The following CYP20A1 variants were observed in gnomAD, a reference collection of about 807,000 sequenced individuals.
The protein encoded by CYP20A1 is cytochrome P450 family 20 subfamily A member 1.
CYP20A1 carries 61 observed loss-of-function variants against 61.4 expected under a neutral mutation model. The observed-to-expected ratio is 0.99, with a 90% CI of 0.81 to 1.23. The LOEUF is 1.23. CYP20A1 is among the 50% of genes most tolerant of loss of function. CYP20A1 has a pLI of 0.00. For missense variants in CYP20A1, 530 were observed against 542.4 expected (o/e 0.98, Z 0.23); for synonymous variants, 193 against 188.2 (o/e 1.03, Z -0.21).
chr2:203,269,492 T>C (rs1050851608), intron 5 of CYP20A1, among the ~76,000 whole-genome samples: 3 of 135,322 alleles, frequency 2.2e-5, no homozygotes, highest in Non-Finnish European at 4.7e-5. Flanking sequence ...TTGAAATATA[T>C]AGTTCTTTTT....
chr2:203,253,347 TGG>T (rs1165078140), intron 4 of CYP20A1, among the ~76,000 whole-genome samples: 1 of 152,158 alleles, frequency 6.6e-6, no homozygotes, highest in African/African-American at 2.4e-5. Flanking sequence ...CGGCAGTGCC[TGG>T]GGTGACAGGT....
At chr2:203,258,835 T>G (rs1348913179) in intron 4 of CYP20A1, among the ~76,000 whole-genome samples, 1 of 152,218 alleles carries the variant, frequency 6.6e-6, no homozygotes, top group Non-Finnish European at 1.5e-5. Context: ...GAGGCAGTTA[T>G]GTTGCCTCTA....
Position 203,304,413 on chromosome 2 carries a change from G to A in CYP20A1, c.*7505G>A, listed in dbSNP as rs970211285. Among the ~76,000 whole-genome samples, 12 of 152,106 alleles carry A rather than the reference G, an allele frequency of 7.9e-5. No homozygotes were observed. Among genetic ancestry groups the A allele is most frequent in the African/African-American group, 2.4e-4 (10 of 41,436 alleles). On this transcript the variant is annotated 3_prime_UTR_variant, in exon 13 of 13. Transcript: ENST00000356079. Reference sequence around the variant, plus strand: ...GGGGTTTCACCATGTTAGCCAGGATGGTCTTGATCTCCTGACCTTGTGATC... The same window carrying A: ...GGGGTTTCACCATGTTAGCCAGGATAGTCTTGATCTCCTGACCTTGTGATC...
intron 4 of CYP20A1, among the ~76,000 whole-genome samples, chr2:203,260,976 T>TTC (rs2067112670): frequency 6.6e-6 from 1 of 152,234 alleles, no homozygotes; most frequent in African/African-American, 2.4e-5. Flanking sequence ...TATTCTTTTT[T>TTC]TCTCTTTTTT....
rs1327474376 is a variant in CYP20A1, at chr2:203,285,816, G to A, written c.971+84G>A. On this transcript the variant is annotated intron_variant, in intron 9 of 12. Transcript: ENST00000356079. ...ATTTAAAGCTATTGTTGCTATCTAG[G>A]AAAGCTACATATTTTTATAGGACTT... The A allele has an allele frequency of 4.8e-6, 6 of 1,246,862 alleles. No homozygotes were observed. The African/African-American group carries it at 7.7e-5, about 16-fold the overall frequency. 77.2% of individuals were successfully genotyped at this position (1,246,862 alleles called of 1,614,324 possible). A position where few individuals can be genotyped will look rare whatever the true frequency, so the allele number is the denominator to read the frequency against.
intron 12 of CYP20A1, 68 bp downstream of exon 12, chr2:203,296,631 C>A: frequency 7.1e-7 from 1 of 1,413,780 alleles, no homozygotes; most frequent in South Asian, 1.3e-5. Context: ...AATGGGCAAT[C>A]TGTATGATTA....
At chr2:203,296,219 G>A (rs997099508) in intron 11 of CYP20A1, among the ~76,000 whole-genome samples, 5 of 152,020 alleles carry the variant, frequency 3.3e-5, no homozygotes, top group African/African-American at 1.2e-4. Context: ...AGCCTTGATT[G>A]CACCATTGCC....
At chr2:203,280,495 G>T (rs761641130) in intron 8 of CYP20A1, among the ~76,000 whole-genome samples, 2 of 152,172 alleles carry the variant, frequency 1.3e-5, no homozygotes, top group African/African-American at 4.8e-5. Flanking sequence ...TTGAGCCCAG[G>T]AGTTCGAGAC....
In CYP20A1 at chr2:203,268,703, A is replaced by G. The variant is rs544225385; in HGVS notation, c.600+2022A>G. ...GTATAAATTTATGGGTTATATGTAT[A>G]ATTTTATTACATGCATAGATTGTGT... On this transcript the variant is annotated intron_variant, in intron 5 of 12. Coordinates refer to ENST00000356079, the MANE Select transcript of CYP20A1 (RefSeq NM_177538.3). Among the ~76,000 whole-genome samples, 9 of 151,890 alleles carry G rather than the reference A, an allele frequency of 5.9e-5. No individual in the cohort carries two copies. In the East Asian group the frequency reaches 1.5e-3, roughly 26 times the overall value.
chr2:203,257,975 C>A (rs1377582605), intron 4 of CYP20A1, among the ~76,000 whole-genome samples: 4 of 152,176 alleles, frequency 2.6e-5, no homozygotes, highest in African/African-American at 4.8e-5. Context: ...AATTATAGCT[C>A]ACTGGAGCAT....
intron 8 of CYP20A1, among the ~76,000 whole-genome samples, chr2:203,281,555 C>G (rs2068041270): frequency 2.6e-5 from 4 of 151,940 alleles, no homozygotes; most frequent in African/African-American, 9.7e-5. Flanking sequence ...GTAATCCCAG[C>G]ACTATGGGAG....
chr2:203,287,059 A>T (rs1444043881), intron 9 of CYP20A1, among the ~76,000 whole-genome samples: 2 of 151,266 alleles, frequency 1.3e-5, no homozygotes, highest in South Asian at 4.2e-4. Flanking sequence ...CTAAAAAAAA[A>T]ATACAAAAAA....
chr2:203,239,163 C>A, intron 1 of CYP20A1, 29 bp downstream of exon 1: 1 of 1,584,880 alleles, frequency 6.3e-7, no homozygotes, highest in Non-Finnish European at 8.7e-7. Context: ...CTCTGGGGCC[C>A]CGGGCGCCGC....
At chr2:203,264,200 T>G (rs1289943859) in intron 4 of CYP20A1, among the ~76,000 whole-genome samples, 1 of 152,026 alleles carries the variant, frequency 6.6e-6, no homozygotes, top group Non-Finnish European at 1.5e-5. Flanking sequence ...TTGCCCAGGT[T>G]TGTCTCAAAC....
rs997624207 is a variant in CYP20A1, at chr2:203,301,342, C to T, written c.*4434C>T. On this transcript the variant is annotated 3_prime_UTR_variant, in exon 13 of 13. Coordinates refer to ENST00000356079, the MANE Select transcript of CYP20A1 (RefSeq NM_177538.3). ...CATGATCACAGCTTACTGTAGCCTC[C>T]ACCTCCTGGGCTCCAGCGATCTCAC... is the stretch of plus-strand genomic sequence containing the variant. 7.9e-5 allele frequency among the ~76,000 whole-genome samples: 12 copies of T among 151,590 alleles called. No individual in the cohort carries two copies. Among genetic ancestry groups the T allele is most frequent in the African/African-American group, 2.9e-4 (12 of 41,240 alleles).
Position 203,304,763 on chromosome 2 carries a change from G to A in CYP20A1, c.*7855G>A, listed in dbSNP as rs1289506445. 6.6e-6 allele frequency among the ~76,000 whole-genome samples: 1 copy of A among 152,036 alleles called. No individual in the cohort carries two copies. The highest frequency in any genetic ancestry group is 2.4e-5 in the African/African-American group (1 of 41,402). Reference sequence around the variant, plus strand: ...CTAGCCTAGGCAACATGGCGAAACTGCATCTCTACAAAAAATACAAAAATT... The same window carrying A: ...CTAGCCTAGGCAACATGGCGAAACTACATCTCTACAAAAAATACAAAAATT... On this transcript the variant is annotated 3_prime_UTR_variant, in exon 13 of 13. Coordinates refer to ENST00000356079, the MANE Select transcript of CYP20A1 (RefSeq NM_177538.3).
intron 4 of CYP20A1, among the ~76,000 whole-genome samples, chr2:203,264,590 C>A (rs1194036510): frequency 2.0e-5 from 3 of 151,918 alleles, no homozygotes; most frequent in African/African-American, 7.3e-5. Context: ...CTATTTTAAT[C>A]TTTTAATTGA....
At position 203,268,595 on chromosome 2, in the gene CYP20A1, T is replaced by G. The variant is rs535643780; in HGVS notation, c.600+1914T>G. On this transcript the variant is annotated intron_variant, in intron 5 of 12. Transcript: ENST00000356079. The stretch of plus-strand genomic sequence containing the variant: ...GACTTATTCTTCCTCAAATTATTTG[T>G]TTTTTTTTTTGTTTGTTTTGTTTTG... 4.3e-3 allele frequency among the ~76,000 whole-genome samples: 508 copies of G among 119,514 alleles called. 3 individuals are homozygous for G. The highest frequency in any genetic ancestry group is 0.013 in the African/African-American group (486 of 36,448). The allele number at this position is 119,514 out of a possible 152,430, so 78.4% of individuals were successfully genotyped here.
At chr2:203,296,346 A>T in intron 11 of CYP20A1, 128 bp from the exon 12 acceptor site, 1 of 550,250 alleles carries the variant, frequency 1.8e-6, no homozygotes, top group South Asian at 2.2e-5. Flanking sequence ...TGGCATTTAA[A>T]TATAATGTAA....
Sources: allele counts gnomAD v4.1 joint callset (sites outside exome capture counted in the v4.1 genomes callset), GRCh38; gene constraint gnomAD v4.1.1; transcripts MANE v1.5; gene names NCBI Gene and HGNC (gene_info 2026-07-23, HGNC 2026-07-21).